The following SHC4 variants were observed in gnomAD, a reference collection of about 807,000 sequenced individuals.
The protein encoded by SHC4 is SHC-transforming protein 4.
A neutral mutation model predicts 69.4 loss-of-function variants in SHC4; 41 were observed. The observed-to-expected ratio is 0.59, with a 90% CI of 0.46 to 0.77. The LOEUF (loss-of-function observed/expected upper bound fraction) is 0.77, where lower values mean the gene tolerates loss of function less well. SHC4 is among the 30% of genes least tolerant of loss of function. The pLI is 0.00. For missense variants in SHC4, 777 were observed against 783.8 expected (o/e 0.99, Z 0.10); for synonymous variants, 318 against 299.3 (o/e 1.06, Z -0.64).
intron 2 of SHC4, among the ~76,000 whole-genome samples, chr15:48,911,239 G>C (rs1329031543): frequency 6.6e-6 from 1 of 152,020 alleles, no homozygotes. Flanking sequence ...TATAAATTTG[G>C]GAGCTCCAGT....
At chr15:48,835,068 T>G (rs1898876041) in intron 10 of SHC4, 46 bp from the exon 11 acceptor site, 4 of 1,553,298 alleles carry the variant, frequency 2.6e-6, no homozygotes, top group Non-Finnish European at 3.5e-6. Context: ...TACCTCTTCA[T>G]CCATCCATTC....
chr15:48,940,212 T>C (rs545718993), intron 1 of SHC4, among the ~76,000 whole-genome samples: 1 of 152,210 alleles, frequency 6.6e-6, no homozygotes, highest in Non-Finnish European at 1.5e-5. Flanking sequence ...ATATTTTGTA[T>C]TCTTGTCTAG....
chr15:48,843,608 T>C lies in SHC4; in HGVS notation c.1304-20A>G, dbSNP rs1453645992. On this transcript the variant is annotated intron_variant, in intron 9 of 11. Transcript: ENST00000332408. ...CATTACCTGTAGTGATTAGTAGTGA[T>C]CAATACATTATGTTTTTTCTTTGTA... 1.3e-6 allele frequency: 2 copies of C among 1,589,364 alleles called. No individual in the cohort carries two copies. Among genetic ancestry groups the C allele is most frequent in the Non-Finnish European group, 1.7e-6 (2 of 1,165,064 alleles).
rs1402946520 is a variant in SHC4 at position 48,867,886 on chromosome 15, A to G, written c.895-17T>C. On this transcript the variant is annotated splice_polypyrimidine_tract_variant and intron_variant, in intron 5 of 11. Transcript: ENST00000332408. ...TGTAGTATCCTATAAAAAAGGGAAAATGACTGTATTTAAAATGGATGAACT... is the reference window on the plus strand; with the variant it reads ...TGTAGTATCCTATAAAAAAGGGAAAGTGACTGTATTTAAAATGGATGAACT... 3.7e-6 allele frequency: 6 copies of G among 1,605,192 alleles called. No individual in the cohort carries two copies. Among genetic ancestry groups the G allele is most frequent in the Non-Finnish European group, 5.1e-6 (6 of 1,172,808 alleles).
chr15:48,845,395 G>T (rs112635206), intron 9 of SHC4, among the ~76,000 whole-genome samples: 1 of 152,148 alleles, frequency 6.6e-6, no homozygotes, highest in Admixed American at 6.5e-5. Flanking sequence ...CCTAAAACAC[G>T]AGTGAGGTTT....
At chr15:48,950,013 A>G (rs2141038938) in intron 1 of SHC4, among the ~76,000 whole-genome samples, 1 of 142,342 alleles carries the variant, frequency 7.0e-6, no homozygotes, top group South Asian at 2.1e-4. Context: ...TTATTAAAAT[A>G]TTTATTATTA....
intron 6 of SHC4, among the ~76,000 whole-genome samples, chr15:48,861,707 G>A (rs1899446781): frequency 1.3e-5 from 2 of 152,186 alleles, no homozygotes; most frequent in Admixed American, 1.3e-4. Context: ...GGAATCAGAT[G>A]AAAGTCTGGA....
chr15:48,962,898 A>G lies in SHC4; in HGVS notation c.118T>C (p.Ser40Pro), dbSNP rs1318886321. 2.5e-6 allele frequency: 4 copies of G among 1,613,230 alleles called. No homozygotes were observed. In the East Asian group the frequency reaches 8.9e-5, roughly 36 times the overall value. Residue 40 changes from serine (S) to proline (P), a missense_variant, in exon 1 of 12, where the codon TCC becomes CCC. Transcript: ENST00000332408. ...CCTCCGGAGCTACCTTCGTCCAAGG[A>G]CGTGATCGACTCGTTCCGAAAGCGG... ...YSRFRNESIT[S>P]LDEGSSGGSV...
At chr15:48,829,191 G>C (rs1898749405) in intron 11 of SHC4, among the ~76,000 whole-genome samples, 1 of 152,162 alleles carries the variant, frequency 6.6e-6, no homozygotes, top group Non-Finnish European at 1.5e-5. Flanking sequence ...GTGTGCACTT[G>C]AGAAGAATAT....
chr15:48,913,455 A>G (rs964647683), intron 2 of SHC4, among the ~76,000 whole-genome samples: 9 of 152,082 alleles, frequency 5.9e-5, no homozygotes, highest in African/African-American at 9.7e-5. Context: ...GCTCTCCCCA[A>G]TAGCCCCCAG....
rs1900821183 is a variant in SHC4 at position 48,924,891 on chromosome 15, G to A, written c.644C>T (p.Thr215Ile). 1 of 1,613,892 alleles carries A rather than the reference G, an allele frequency of 6.2e-7. No homozygotes were observed. The highest frequency in any genetic ancestry group is 1.3e-5 in the African/African-American group (1 of 74,850). The change falls in exon 2 of 12, where the codon ACC becomes ATC. Residue 215 changes from threonine to isoleucine, a missense_variant. Thr to Ile is a moderately conservative substitution (Grantham distance 89, BLOSUM62 -1). Coordinates refer to ENST00000332408, the MANE Select transcript of SHC4 (RefSeq NM_203349.4). Reference protein sequence around the residue: ...SMRSLDFGMRTQVTREAISRL... With the variant: ...SMRSLDFGMRIQVTREAISRL... ...TTTGGCTTCTTACCTTGTAACTTGG[G>A]TTCTCATTCCAAAATCCAGTGATCT...
chr15:48,853,711 C>T (rs1899259383), intron 8 of SHC4, among the ~76,000 whole-genome samples: 1 of 152,086 alleles, frequency 6.6e-6, no homozygotes, highest in Admixed American at 6.6e-5. Flanking sequence ...TGATCTTTGA[C>T]AAAGTCAACA....
intron 11 of SHC4, among the ~76,000 whole-genome samples, chr15:48,834,442 C>G (rs1403881638): frequency 6.6e-6 from 1 of 152,192 alleles, no homozygotes; most frequent in Non-Finnish European, 1.5e-5. Context: ...AAATTATCAG[C>G]ACTCTGAGAG....
At chr15:48,924,815 T>A in intron 2 of SHC4, 64 bp downstream of exon 2, 1 of 1,536,858 alleles carries the variant, frequency 6.5e-7, no homozygotes, top group South Asian at 1.1e-5. Context: ...AAAATTCCTG[T>A]GGGAGAAATT....
At chr15:48,938,344 G>A (rs901350799) in intron 1 of SHC4, 6 of 152,180 alleles carry the variant, frequency 3.9e-5, no homozygotes, top group Admixed American at 1.3e-4. Context: ...CCCAGCAGCC[G>A]TTTAACTGGA....
intron 11 of SHC4, among the ~76,000 whole-genome samples, chr15:48,832,452 G>C (rs1330660624): frequency 2.0e-5 from 3 of 152,092 alleles, no homozygotes; most frequent in Admixed American, 2.0e-4. Flanking sequence ...CTCTTCTCTT[G>C]CTGCTTTCAA....
At chr15:48,879,777 G>C (rs1156735364) in intron 4 of SHC4, 1 of 166,996 alleles carries the variant, frequency 6.0e-6, no homozygotes, top group African/African-American at 2.4e-5. Flanking sequence ...CACCAGCATT[G>C]GAGATAATAA....
chr15:48,874,955 GT>G (rs1163406615), intron 4 of SHC4, among the ~76,000 whole-genome samples: 1 of 152,156 alleles, frequency 6.6e-6, no homozygotes, highest in Non-Finnish European at 1.5e-5. Flanking sequence ...CTCGGTCACA[GT>G]TTTGGTAAGC....
At chr15:48,840,417 G>C (rs941769928) in intron 10 of SHC4, among the ~76,000 whole-genome samples, 1 of 152,116 alleles carries the variant, frequency 6.6e-6, no homozygotes, top group South Asian at 2.1e-4. Context: ...AGCCCTAAGA[G>C]CATACCTGAG....
Sources: gnomAD v4.1 joint callset for allele counts (sites outside exome capture counted in the v4.1 genomes callset) on GRCh38, gnomAD v4.1.1 for gene constraint, MANE v1.5 for transcripts, NCBI Gene and HGNC (gene_info 2026-07-23, HGNC 2026-07-21) for gene names.